GGTA1: variants seen among roughly 807,000 people sequenced by gnomAD.
The protein encoded by GGTA1 is glycoprotein alpha-galactosyltransferase 1 (inactive).
A neutral mutation model predicts 2.6 loss-of-function variants in GGTA1; 5 were observed. The observed-to-expected ratio is 1.92, with a 90% CI of 1.00 to 4.04. The LOEUF is 4.04. Among genes scored for constraint, GGTA1 ranks in the 30% most tolerant of loss-of-function variants. GGTA1 has a pLI of 0.00. For missense variants in GGTA1, 50 were observed against 16.7 expected (o/e 2.99, Z -3.47); for synonymous variants, 17 against 5.0 (o/e 3.38, Z -3.19).
At chr9:121,471,870 G>A (rs1349881868) in intron 1 of GGTA1, among the ~76,000 whole-genome samples, 1 of 152,192 alleles carries the variant, frequency 6.6e-6, no homozygotes, top group East Asian at 1.9e-4. Flanking sequence ...CACCAGCATT[G>A]AGTGCTGGAA....
chr9:121,492,143 G>T lies in GGTA1; in HGVS notation c.-10+7507C>A, dbSNP rs62577965. ...ACCTCTTCTAGCGCCTCAGTTCCTG[G>T]TGTCCAAATTGGCAAGAGAGGCCCC... On this transcript the variant is annotated intron_variant, in intron 1 of 5. Transcript: ENST00000481799. Among the ~76,000 whole-genome samples, 241 of 152,288 alleles carry T rather than the reference G, an allele frequency of 1.6e-3. 1 individual carries two copies. The highest frequency in any genetic ancestry group is 3.2e-3 in the Admixed American group (49 of 15,294).
chr9:121,447,148 T>C (rs1294119602), exon 8 of GGTA1: 4 of 152,646 alleles, frequency 2.6e-5, no homozygotes, highest in African/African-American at 7.2e-5. Flanking sequence ...AGAACCTGAA[T>C]GGGTGTTCCT....
At chr9:121,494,684 C>G (rs1828949628) in intron 1 of GGTA1, 1 of 152,302 alleles carries the variant, frequency 6.6e-6, no homozygotes, top group African/African-American at 2.4e-5. Context: ...GGGGAACCAC[C>G]AGGTTGCCTA....
chr9:121,475,138 G>A (rs1828480010), intron 1 of GGTA1, among the ~76,000 whole-genome samples: 1 of 152,164 alleles, frequency 6.6e-6, no homozygotes, highest in Admixed American at 6.5e-5. Flanking sequence ...TAAAGACCTT[G>A]CTGGTAAAAC....
chr9:121,497,184 C>A (rs1174398541), intron 1 of GGTA1, among the ~76,000 whole-genome samples: 7 of 151,862 alleles, frequency 4.6e-5, no homozygotes, highest in Admixed American at 4.6e-4. Flanking sequence ...CAGAGGGAGA[C>A]TGTCTCAAAA....
At chr9:121,494,182 A>C (rs781394467) in intron 1 of GGTA1, among the ~76,000 whole-genome samples, 2 of 152,212 alleles carry the variant, frequency 1.3e-5, no homozygotes, top group African/African-American at 2.4e-5. Context: ...GAACCCCAGG[A>C]AGCACGTGCA....
At chr9:121,450,155 G>C (rs2064871499), downstream of GGTA1, among the ~76,000 whole-genome samples, 1 of 152,198 alleles carries the variant, frequency 6.6e-6, no homozygotes, top group Non-Finnish European at 1.5e-5. Flanking sequence ...ATGTTGGCAT[G>C]TGGTAATCCA....
chr9:121,488,299 A>G (rs1828803006), intron 1 of GGTA1, among the ~76,000 whole-genome samples: 1 of 152,152 alleles, frequency 6.6e-6, no homozygotes, highest in Non-Finnish European at 1.5e-5. Context: ...TGAAGTCTCC[A>G]TGTTCTGCCT....
At chr9:121,482,869 C>G (rs1002577452) in intron 1 of GGTA1, among the ~76,000 whole-genome samples, 5 of 152,072 alleles carry the variant, frequency 3.3e-5, no homozygotes, top group African/African-American at 4.8e-5. Flanking sequence ...TCATTGGAAT[C>G]CGGGAGGCGG....
intron 2 of GGTA1, among the ~76,000 whole-genome samples, chr9:121,466,694 T>C (rs983890085): frequency 5.9e-5 from 9 of 152,124 alleles, no homozygotes; most frequent in Admixed American, 1.3e-4. Flanking sequence ...GGCTCACGCC[T>C]GTAATCCCAG....
chr9:121,477,485 T>C (rs576115607), intron 1 of GGTA1, among the ~76,000 whole-genome samples: 1 of 152,306 alleles, frequency 6.6e-6, no homozygotes, highest in South Asian at 2.1e-4. Flanking sequence ...ATATTTGGAA[T>C]GTTTGTCAGT....
chr9:121,484,278 GA>G (rs1828711619), intron 1 of GGTA1, among the ~76,000 whole-genome samples: 1 of 152,168 alleles, frequency 6.6e-6, no homozygotes, highest in African/African-American at 2.4e-5. Context: ...ATTCTGGCCA[GA>G]ACTAGATTCA....
rs2065016024 is a variant in GGTA1 at position 121,467,883 on chromosome 9, C to T, written c.40G>A (p.Val14Ile). The T allele has an allele frequency of 2.2e-6, 1 of 456,224 alleles. No individual in the cohort carries two copies. The highest frequency in any genetic ancestry group is 4.4e-6 in the Non-Finnish European group (1 of 226,894). The allele number at this position is 456,224 out of a possible 1,614,324, so 28.3% of individuals were successfully genotyped here. Reference sequence around the variant, plus strand: ...CAAAACACAATGATCACAGTTGAGACAACCAGCATTGACAGAATTACTTTT... The same window carrying T: ...CAAAACACAATGATCACAGTTGAGATAACCAGCATTGACAGAATTACTTTT... ...KGKVILSMLVVSTVIIVFWEF... is the reference protein window; with the variant it reads ...KGKVILSMLVISTVIIVFWEF... Residue 14 changes from valine (V) to isoleucine (I), a missense_variant, in exon 2 of 6, where the codon GTC (valine) becomes ATC (isoleucine). Transcript: ENST00000481799.
chr9:121,463,023 T>A (rs1322799712), intron 3 of GGTA1: 1 of 227,542 alleles, frequency 4.4e-6, no homozygotes, highest in Non-Finnish European at 8.8e-6. Context: ...CCCCGGATAC[T>A]TTTTATCAGC....
intron 1 of GGTA1, among the ~76,000 whole-genome samples, chr9:121,490,216 A>C (rs577889040): frequency 3.2e-3 from 480 of 152,334 alleles, no homozygotes; most frequent in Non-Finnish European, 5.1e-3. Flanking sequence ...ACAGCCATTC[A>C]ATAGTACCGC....
intron 1 of GGTA1, among the ~76,000 whole-genome samples, chr9:121,475,353 A>G (rs1828486348): frequency 6.6e-6 from 1 of 152,182 alleles, no homozygotes; most frequent in African/African-American, 2.4e-5. Flanking sequence ...AGAAATAACC[A>G]TAAAAATGGG....
intron 1 of GGTA1, among the ~76,000 whole-genome samples, chr9:121,469,562 G>A (rs898773224): frequency 1.3e-5 from 2 of 152,212 alleles, no homozygotes; most frequent in Non-Finnish European, 2.9e-5. Flanking sequence ...AGAGCTGACA[G>A]CAGCGTGGAG....
intron 1 of GGTA1, among the ~76,000 whole-genome samples, chr9:121,493,506 T>G (rs774460335): frequency 1.3e-5 from 2 of 152,202 alleles, no homozygotes. Flanking sequence ...TTTGTGAGGC[T>G]CACGTGAGAT....
At chr9:121,492,697 C>T (rs1054749158) in intron 1 of GGTA1, among the ~76,000 whole-genome samples, 1 of 151,822 alleles carries the variant, frequency 6.6e-6, no homozygotes, top group Non-Finnish European at 1.5e-5. Flanking sequence ...TGGTCTTGAA[C>T]TCCCTACCTC....
Sources: gnomAD v4.1 joint callset for allele counts (sites outside exome capture counted in the v4.1 genomes callset) on GRCh38, gnomAD v4.1.1 for gene constraint, MANE v1.5 for transcripts, NCBI Gene and HGNC (gene_info 2026-07-23, HGNC 2026-07-21) for gene names.